Variants in MEIKIN observed in about 807,000 individuals in gnomAD.
MEIKIN encodes the protein meiotic kinetochore factor, also known as meiosis-specific kinetochore protein.
At chr5:131,824,769 A>C (rs763545212) in intron 11 of MEIKIN, among the ~76,000 whole-genome samples, 11 of 152,204 alleles carry the variant, frequency 7.2e-5, no homozygotes, top group Non-Finnish European at 1.6e-4. Context: ...TATAACTACC[A>C]TTCCAGAGAG....
intron 11 of MEIKIN, among the ~76,000 whole-genome samples, chr5:131,837,268 T>C (rs1749825298): frequency 6.6e-6 from 1 of 152,206 alleles, no homozygotes; most frequent in Non-Finnish European, 1.5e-5. Context: ...TATAGTCCTG[T>C]AGTATAGTTT....
At chr5:131,921,196 G>A (rs774255015) in intron 6 of MEIKIN, among the ~76,000 whole-genome samples, 50 of 152,318 alleles carry the variant, frequency 3.3e-4, no homozygotes, top group South Asian at 1.2e-3. Context: ...TAAATGAAAA[G>A]TCTAAAAATA....
chr5:131,931,845 T>C (rs959776622), intron 5 of MEIKIN, among the ~76,000 whole-genome samples: 1 of 152,240 alleles, frequency 6.6e-6, no homozygotes, highest in Non-Finnish European at 1.5e-5. Flanking sequence ...TTGTTTTGTT[T>C]TGATATCTCT....
chr5:131,813,316 C>T (rs1236819718), intron 12 of MEIKIN, among the ~76,000 whole-genome samples: 1 of 152,170 alleles, frequency 6.6e-6, no homozygotes, highest in Non-Finnish European at 1.5e-5. Flanking sequence ...CTTTCTGGGA[C>T]ATCCCTAAAG....
chr5:131,910,045 C>A (rs192225889), intron 8 of MEIKIN, among the ~76,000 whole-genome samples: 1 of 152,150 alleles, frequency 6.6e-6, no homozygotes, highest in South Asian at 2.1e-4. Context: ...AGGTATCATA[C>A]GATCCAGCAA....
intron 8 of MEIKIN, among the ~76,000 whole-genome samples, chr5:131,891,308 T>G (rs909292939): frequency 1.3e-5 from 2 of 152,152 alleles, no homozygotes; most frequent in Non-Finnish European, 2.9e-5. Context: ...TCTAATGTTG[T>G]CAGTGGGTTG....
At chr5:131,918,987 T>C (rs1017348382) in intron 6 of MEIKIN, among the ~76,000 whole-genome samples, 3 of 152,050 alleles carry the variant, frequency 2.0e-5, no homozygotes, top group African/African-American at 7.2e-5. Flanking sequence ...CCAGTATGAA[T>C]AAAAAATTTT....
At chr5:131,816,736 A>G (rs1356896927) in intron 12 of MEIKIN, among the ~76,000 whole-genome samples, 3 of 152,210 alleles carry the variant, frequency 2.0e-5, no homozygotes, top group Admixed American at 1.3e-4. Context: ...CCCTACCACT[A>G]TGCTGATGTT....
At chr5:131,841,618 T>C (rs1388957777) in intron 11 of MEIKIN, among the ~76,000 whole-genome samples, 1 of 152,194 alleles carries the variant, frequency 6.6e-6, no homozygotes, top group Non-Finnish European at 1.5e-5. Context: ...TTTTTTCTAT[T>C]TCTGTGAAAA....
intron 8 of MEIKIN, among the ~76,000 whole-genome samples, chr5:131,887,482 A>T (rs1750820100): frequency 6.6e-6 from 1 of 152,132 alleles, no homozygotes; most frequent in Non-Finnish European, 1.5e-5. Flanking sequence ...ATTTCTCCAC[A>T]TCCTCTCTAG....
chr5:131,886,532 T>C (rs1011193139), intron 8 of MEIKIN, among the ~76,000 whole-genome samples: 1 of 152,138 alleles, frequency 6.6e-6, no homozygotes, highest in Admixed American at 6.5e-5. Flanking sequence ...AAAACAACTT[T>C]TACTCTACAA....
chr5:131,870,725 TACAGGCAAAATTATCTTG>T (rs1750474970), intron 9 of MEIKIN, among the ~76,000 whole-genome samples: 1 of 152,184 alleles, frequency 6.6e-6, no homozygotes, highest in Non-Finnish European at 1.5e-5. Flanking sequence ...CGATCAACTC[TACAGGCAAAATTATCTTG>T]AATACATGCC....
At chr5:131,912,905 TG>T (rs1276783293) in intron 7 of MEIKIN, among the ~76,000 whole-genome samples, 1 of 152,234 alleles carries the variant, frequency 6.6e-6, no homozygotes, top group African/African-American at 2.4e-5. Context: ...GTTTCATCTC[TG>T]TTTCTTGTTC....
intron 11 of MEIKIN, among the ~76,000 whole-genome samples, chr5:131,833,961 G>C (rs1457256349): frequency 1.3e-5 from 2 of 152,102 alleles, no homozygotes; most frequent in African/African-American, 4.8e-5. Context: ...ATTAATCACT[G>C]CATTCTTCAT....
intron 8 of MEIKIN, among the ~76,000 whole-genome samples, chr5:131,901,288 C>T (rs1218522595): frequency 6.6e-6 from 1 of 152,108 alleles, no homozygotes; most frequent in African/African-American, 2.4e-5. Flanking sequence ...CCTGAGCGGC[C>T]ACTGCTGCCT....
chr5:131,890,095 G>A (rs1341403966), intron 8 of MEIKIN, among the ~76,000 whole-genome samples: 2 of 152,148 alleles, frequency 1.3e-5, no homozygotes, highest in African/African-American at 4.8e-5. Context: ...TTTTTGATGT[G>A]CTGCTGGATT....
intron 11 of MEIKIN, among the ~76,000 whole-genome samples, chr5:131,843,882 C>G (rs1176404418): frequency 6.6e-6 from 1 of 152,178 alleles, no homozygotes; most frequent in Admixed American, 6.5e-5. Context: ...TCTCTGATAT[C>G]AATTTTCTGT....
chr5:131,833,232 C>T (rs748427310), intron 11 of MEIKIN, among the ~76,000 whole-genome samples: 13 of 152,172 alleles, frequency 8.5e-5, no homozygotes, highest in Admixed American at 4.6e-4. Context: ...TCAAGTTCAA[C>T]GTTCCATAAA....
At position 131,885,377 on chromosome 5, in the gene MEIKIN, G is replaced by A. The variant is rs866675421; in HGVS notation, c.704-6329C>T. ...AGAGAGAGAGAGAGAGAGAGAGAGAGAGAGAGAGAGAGAGAGAGAGAGAGA... is the reference window on the plus strand; with the variant it reads ...AGAGAGAGAGAGAGAGAGAGAGAGAAAGAGAGAGAGAGAGAGAGAGAGAGA... On this transcript the variant is annotated intron_variant, in intron 8 of 12. Transcript: ENST00000442687. Among the ~76,000 whole-genome samples the A allele has an allele frequency of 3.8e-3, 295 of 76,692 alleles. 5 individuals are homozygous for A. The highest frequency in any genetic ancestry group is 7.5e-3 in the African/African-American group (147 of 19,514). The allele number at this position is 76,692 out of a possible 152,430, so 50.3% of individuals were successfully genotyped here.
Sources: gnomAD v4.1 joint callset for allele counts (sites outside exome capture counted in the v4.1 genomes callset) on GRCh38, gnomAD v4.1.1 for gene constraint, MANE v1.5 for transcripts, NCBI Gene and HGNC (gene_info 2026-07-23, HGNC 2026-07-21) for gene names.